The following ANXA8 variants were observed in gnomAD, a reference collection of about 807,000 sequenced individuals.
ANXA8 encodes annexin A8.
In ANXA8, 9 loss-of-function variants were observed where a neutral mutation model predicts 26.8. That is an observed-to-expected ratio of 0.34 (90% CI 0.20 to 0.59). ANXA8 has a LOEUF of 0.59. Among genes scored for constraint, ANXA8 ranks in the 20% least tolerant of loss-of-function variants. The pLI is 0.84. For missense variants in ANXA8, 83 were observed against 238.5 expected, an observed-to-expected ratio of 0.35 and a Z score of 4.29; for synonymous variants, 39 against 94.8, an observed-to-expected ratio of 0.41 and a Z score of 3.42.
the ANXA8 span, among the ~76,000 whole-genome samples, chr10:47,521,273 T>G: frequency 1.5e-5 from 2 of 136,978 alleles, 1 homozygote; most frequent in African/African-American, 5.8e-5. Flanking sequence ...GTGTGTAACA[T>G]CCATCAGGCT....
chr10:47,655,975 G>A, the ANXA8 span, among the ~76,000 whole-genome samples: 2 of 152,022 alleles, frequency 1.3e-5, no homozygotes, highest in Non-Finnish European at 2.9e-5. Context: ...AGCCGAGATT[G>A]CACCATTGCA....
chr10:47,733,191 T>TTCTTTCTTTCTTTCTTTCTTTC, the ANXA8 span, among the ~76,000 whole-genome samples: 1 of 106,476 alleles, frequency 9.4e-6, no homozygotes, highest in Admixed American at 9.4e-5. Flanking sequence ...CTTTCTTTCT[T>TTCTTTCTTTCTTTCTTTCTTTC]TCTTTCTTTC....
At chr10:47,618,449 T>C in the ANXA8 span, among the ~76,000 whole-genome samples, 2 of 111,920 alleles carry the variant, frequency 1.8e-5, 1 homozygote, top group Non-Finnish European at 3.9e-5. Flanking sequence ...GGATTCTAGA[T>C]ATATTTATTT....
the ANXA8 span, among the ~76,000 whole-genome samples, chr10:47,756,588 A>G: frequency 1.3e-5 from 2 of 149,932 alleles, no homozygotes; most frequent in East Asian, 4.0e-4. Flanking sequence ...GAGGGCTAAG[A>G]TTTGGTGGGT....
the ANXA8 span, among the ~76,000 whole-genome samples, chr10:47,675,217 G>A: frequency 5.0e-4 from 73 of 145,132 alleles, 1 homozygote; most frequent in East Asian, 5.9e-4. Flanking sequence ...GTATCCATCC[G>A]TATCTAATTA....
At chr10:47,709,471 G>A in the ANXA8 span, among the ~76,000 whole-genome samples, 1 of 150,632 alleles carries the variant, frequency 6.6e-6, no homozygotes, top group Non-Finnish European at 1.5e-5. Flanking sequence ...ATATATGCAT[G>A]TTATTGTACA....
At chr10:47,546,691 C>A in the ANXA8 span, among the ~76,000 whole-genome samples, 1 of 134,690 alleles carries the variant, frequency 7.4e-6, no homozygotes, top group African/African-American at 2.7e-5. Flanking sequence ...AGGCGTGAGC[C>A]ACCGCACCTG....
chr10:47,968,173 C>CT, the ANXA8 span, among the ~76,000 whole-genome samples: 1 of 149,058 alleles, frequency 6.7e-6, no homozygotes, highest in Non-Finnish European at 1.5e-5. Context: ...GTTCACAAAT[C>CT]TGTCGTAACC....
chr10:47,611,202 AT>A, the ANXA8 span, among the ~76,000 whole-genome samples: 1 of 44,860 alleles, frequency 2.2e-5, no homozygotes, highest in African/African-American at 9.8e-5. Flanking sequence ...TCAGACAATT[AT>A]TTAATGCAGA....
chr10:47,744,413 G>GGGGGGGTTGGGGGGGGAGGGGGGAA, the ANXA8 span, among the ~76,000 whole-genome samples: 1 of 3,976 alleles, frequency 2.5e-4, no homozygotes, highest in African/African-American at 8.1e-4. Flanking sequence ...GCTCCTGGTG[G>GGGGGGGTTGGGGGGGGAGGGGGGAA]GGGGGGGGTT....
the ANXA8 span, among the ~76,000 whole-genome samples, chr10:47,528,247 T>G: frequency 7.0e-6 from 1 of 143,134 alleles, no homozygotes; most frequent in Admixed American, 7.1e-5. Flanking sequence ...GTCCAGCTAA[T>G]TTTTTGTATT....
chr10:47,687,221 T>G, the ANXA8 span, among the ~76,000 whole-genome samples: 1 of 151,924 alleles, frequency 6.6e-6, no homozygotes, highest in East Asian at 1.9e-4. Flanking sequence ...ATCATGGTAA[T>G]GTTATGCATT....
At chr10:47,937,375 TG>T in the ANXA8 span, among the ~76,000 whole-genome samples, 11 of 149,882 alleles carry the variant, frequency 7.3e-5, no homozygotes, top group African/African-American at 2.4e-4. Flanking sequence ...TTCAAGAATT[TG>T]TGCTCTTCTA....
At chr10:47,668,980 C>T in the ANXA8 span, among the ~76,000 whole-genome samples, 1 of 151,832 alleles carries the variant, frequency 6.6e-6, no homozygotes, top group Non-Finnish European at 1.5e-5. Context: ...GTCTGTATGC[C>T]ACTTCTGTGA....
At chr10:47,672,719 C>T in the ANXA8 span, among the ~76,000 whole-genome samples, 32 of 151,838 alleles carry the variant, frequency 2.1e-4, no homozygotes, top group East Asian at 7.7e-4. Flanking sequence ...TAGTGTAATA[C>T]GGGAAACTGC....
the ANXA8 span, among the ~76,000 whole-genome samples, chr10:47,743,299 T>TATATATATATACAC: frequency 5.3e-4 from 5 of 9,422 alleles, no homozygotes; most frequent in East Asian, 0.014. Flanking sequence ...TATATACACA[T>TATATATATATACAC]ATATATATAT....
At chr10:47,587,664 T>A in the ANXA8 span, among the ~76,000 whole-genome samples, 6 of 147,030 alleles carry the variant, frequency 4.1e-5, no homozygotes, top group East Asian at 1.2e-3. Context: ...AATAATATCT[T>A]TCTTACCTAA....
At chr10:47,596,325 T>TTTG in the ANXA8 span, among the ~76,000 whole-genome samples, 7 of 109,052 alleles carry the variant, frequency 6.4e-5, no homozygotes, top group Non-Finnish European at 1.2e-4. Context: ...ATCAAAAAGA[T>TTTG]AGAAATATCT....
chr10:47,733,860 A>G, the ANXA8 span, among the ~76,000 whole-genome samples: 3 of 152,262 alleles, frequency 2.0e-5, no homozygotes, highest in Non-Finnish European at 4.4e-5. Flanking sequence ...TAAGGCATAC[A>G]TTTGCTAAAG....
Sources: gnomAD v4.1 joint callset for allele counts (sites outside exome capture counted in the v4.1 genomes callset) on GRCh38, gnomAD v4.1.1 for gene constraint, MANE v1.5 for transcripts, NCBI Gene and HGNC (gene_info 2026-07-23, HGNC 2026-07-21) for gene names.